HMCN1: variants seen among roughly 807,000 people sequenced by gnomAD.
The protein encoded by HMCN1 is hemicentin-1.
A neutral mutation model predicts 625.9 loss-of-function variants in HMCN1; 321 were observed. The ratio of observed to expected loss-of-function variants is 0.51; its 90% confidence interval spans 0.47 to 0.56. The LOEUF (loss-of-function observed/expected upper bound fraction) is 0.56, where lower values mean the gene tolerates loss of function less well. Ranked by LOEUF, HMCN1 falls within the 20% of genes least tolerant of loss-of-function variation. The pLI, the probability that HMCN1 is intolerant of heterozygous loss-of-function variation, is 0.00. For synonymous variants in HMCN1, 2,425 were observed against 2,417.6 expected (o/e 1.00, Z -0.09); for missense variants, 6,588 against 6,887.3 (o/e 0.96, Z 1.54).
At chr1:186,034,257 C>A (rs999687195) in intron 36 of HMCN1, among the ~76,000 whole-genome samples, 23 of 152,134 alleles carry the variant, frequency 1.5e-4, no homozygotes, top group African/African-American at 5.5e-4. Flanking sequence ...TTCTCTAGAG[C>A]CTCCAGAAGG....
chr1:186,041,119 T>C lies in HMCN1; in HGVS notation c.6287T>C (p.Ile2096Thr). Residue 2096 changes from isoleucine to threonine, a missense_variant, in exon 40 of 107, where the codon ATT becomes ACT. Ile to Thr is a moderately conservative substitution (Grantham distance 89, BLOSUM62 -1). Around this residue, in one of 3 missense-constraint regions of HMCN1, gnomAD observed 4,628 missense variants for 4,853.1 expected, o/e 0.95. Coordinates refer to ENST00000271588, the MANE Select transcript of HMCN1 (RefSeq NM_031935.3). ...VNAAGEKQRD[I>T]DLRVYVPPNI... is the part of the protein sequence containing the mutation. ...GCTGCTGGAGAAAAGCAAAGGGACA[T>C]TGACCTCCGAGTATATGGTGAGACA... 2 of 1,612,848 alleles carry C rather than the reference T, an allele frequency of 1.2e-6. No individual in the cohort carries two copies. Among genetic ancestry groups the C allele is most frequent in the Non-Finnish European group, 1.7e-6 (2 of 1,179,106 alleles).
intron 4 of HMCN1, among the ~76,000 whole-genome samples, chr1:185,904,661 G>C (rs1245493200): frequency 6.6e-6 from 1 of 151,760 alleles, no homozygotes; most frequent in African/African-American, 2.4e-5. Flanking sequence ...CTTCTTATTA[G>C]CTGTATATCT....
intron 31 of HMCN1, among the ~76,000 whole-genome samples, chr1:186,015,677 G>T (rs879853437): frequency 7.2e-5 from 11 of 152,032 alleles, no homozygotes; most frequent in Non-Finnish European, 1.6e-4. Flanking sequence ...AGACAATTTG[G>T]CTATTACTGA....
intron 100 of HMCN1, among the ~76,000 whole-genome samples, chr1:186,167,947 T>C (rs1184285772): frequency 2.0e-5 from 3 of 152,050 alleles, no homozygotes; most frequent in Non-Finnish European, 4.4e-5. Flanking sequence ...GGATTTTTCA[T>C]AGAGGAAAAG....
intron 7 of HMCN1, among the ~76,000 whole-genome samples, chr1:185,922,868 A>C (rs1384549463): frequency 6.6e-6 from 1 of 152,184 alleles, no homozygotes; most frequent in South Asian, 2.1e-4. Context: ...ACCGAAATCT[A>C]TAAATTACCT....
At chr1:185,890,359 A>C (rs918178721) in intron 4 of HMCN1, among the ~76,000 whole-genome samples, 1 of 147,328 alleles carries the variant, frequency 6.8e-6, no homozygotes, top group African/African-American at 2.7e-5. Context: ...CTAGCTTTTG[A>C]ATGGGTTTTC....
chr1:186,048,938 G>A (rs956485211), intron 42 of HMCN1, 99 bp downstream of exon 42: 1 of 744,498 alleles, frequency 1.3e-6, no homozygotes, highest in African/African-American at 1.7e-5. Context: ...ATTATAATAG[G>A]TAGATGAACA....
chr1:186,039,611 A>G, intron 38 of HMCN1, 117 bp from the exon 39 acceptor site: 5 of 1,156,660 alleles, frequency 4.3e-6, no homozygotes, highest in Non-Finnish European at 6.5e-6. Context: ...ACTTACCAAA[A>G]AACAAGCAAA....
intron 86 of HMCN1, among the ~76,000 whole-genome samples, chr1:186,135,447 A>G (rs1219773116): frequency 6.6e-6 from 1 of 152,144 alleles, no homozygotes; most frequent in Non-Finnish European, 1.5e-5. Context: ...AATCTTATTC[A>G]CTATGAAAGA....
intron 4 of HMCN1, among the ~76,000 whole-genome samples, chr1:185,885,595 T>C (rs571127321): frequency 6.6e-6 from 1 of 152,084 alleles, no homozygotes; most frequent in African/African-American, 2.4e-5. Context: ...TGTTTCTATA[T>C]TCAGTCCTCT....
intron 31 of HMCN1, 36 bp from the exon 32 acceptor site, chr1:186,015,922 A>G: frequency 6.3e-7 from 1 of 1,589,554 alleles, no homozygotes; most frequent in Non-Finnish European, 8.6e-7. Flanking sequence ...TGACCACACA[A>G]ATAATTGCCT....
chr1:185,962,361 C>T (rs1489516080), intron 11 of HMCN1, among the ~76,000 whole-genome samples, 157 bp from the exon 12 acceptor site: 9 of 152,114 alleles, frequency 5.9e-5, no homozygotes, highest in Non-Finnish European at 1.2e-4. Flanking sequence ...TTTTCATTAC[C>T]ATTGGTTTCT....
At chr1:185,782,539 C>T (rs2102177995) in intron 1 of HMCN1, among the ~76,000 whole-genome samples, 1 of 152,294 alleles carries the variant, frequency 6.6e-6, no homozygotes, top group South Asian at 2.1e-4. Context: ...TAGGGCAGGC[C>T]TGGTGGTGAC....
rs771808445 is a variant in HMCN1 at position 186,119,861 on chromosome 1, G to A, written c.12073G>A (p.Gly4025Ser). 9 of 1,614,066 alleles carry A rather than the reference G, an allele frequency of 5.6e-6. No homozygotes were observed. The African/African-American group carries it at 6.7e-5, about 12-fold the overall frequency. ...TCCTTTCATTACTTGGCAAAAAGAA[G>A]GCATCAATGTTAACACTTCAGGTAC... ...PSPFITWQKEGINVNTSGRNH... is the reference protein window; with the variant it reads ...PSPFITWQKESINVNTSGRNH... Residue 4025 changes from glycine (G) to serine (S), a missense_variant, in exon 79 of 107, where the codon GGC (glycine) becomes AGC (serine). Transcript: ENST00000271588.
intron 1 of HMCN1, among the ~76,000 whole-genome samples, chr1:185,836,610 C>T (rs1417668517): frequency 2.6e-5 from 4 of 152,158 alleles, no homozygotes; most frequent in South Asian, 4.1e-4. Context: ...TAACAAAGAG[C>T]GAAATGACTT....
Position 185,981,064 on chromosome 1 carries a change from A to G in HMCN1, c.2653A>G (p.Thr885Ala). The G allele has an allele frequency of 1.3e-6, 2 of 1,598,294 alleles. No individual in the cohort carries two copies. Among genetic ancestry groups the G allele is most frequent in the Non-Finnish European group, 1.7e-6 (2 of 1,165,726 alleles). Residue 885 changes from threonine (T) to alanine (A), a missense_variant, in exon 17 of 107, where the codon ACC becomes GCC. By Grantham distance (58) the Thr-to-Ala change is moderately conservative (BLOSUM62 0). This residue lies in a region of HMCN1 where 4,628 missense variants were observed against 4,853.1 expected (regional missense o/e 0.95). Transcript: ENST00000271588. ...KIQSETTVTVTGLVAPLIGIS... is the reference protein window; with the variant it reads ...KIQSETTVTVAGLVAPLIGIS... ...CCAGTCAGAGACAACAGTAACAGTGACCGGACTTGGTAAGATCAATTGAAT... is the reference window on the plus strand; with the variant it reads ...CCAGTCAGAGACAACAGTAACAGTGGCCGGACTTGGTAAGATCAATTGAAT...
Position 186,119,141 on chromosome 1 carries a change from TA to T in HMCN1, c.11849-43del, listed in dbSNP as rs550166984. 3.1e-3 allele frequency: 4,182 copies of T among 1,354,696 alleles called. 14 individuals are homozygous for T. Among genetic ancestry groups the T allele is most frequent in the Middle Eastern group, 0.015 (86 of 5,558 alleles). 83.9% of individuals were successfully genotyped at this position (1,354,696 alleles called of 1,614,324 possible). The stretch of plus-strand genomic sequence containing the variant: ...AAAAGAGAGTCAAATTTTATTGAAC[TA>T]AAAAAACTGAGATGCAGTATATATT... On this transcript the variant is annotated intron_variant, in intron 77 of 106. Coordinates refer to ENST00000271588, the MANE Select transcript of HMCN1 (RefSeq NM_031935.3).
At chr1:185,912,347 T>A (rs992287442) in intron 6 of HMCN1, among the ~76,000 whole-genome samples, 1 of 152,324 alleles carries the variant, frequency 6.6e-6, no homozygotes, top group African/African-American at 2.4e-5. Context: ...GGCTTTTTTT[T>A]ATTTGGTGGA....
chr1:186,187,654 T>G (rs116817537), intron 105 of HMCN1, among the ~76,000 whole-genome samples: 11 of 152,300 alleles, frequency 7.2e-5, no homozygotes, highest in African/African-American at 2.6e-4. Flanking sequence ...TCTCATTTTT[T>G]TTATGTCCTT....
Sources: allele counts gnomAD v4.1 joint callset (sites outside exome capture counted in the v4.1 genomes callset), GRCh38; gene constraint gnomAD v4.1.1; regional missense constraint gnomAD v4.1.1; transcripts MANE v1.5; gene names NCBI Gene and HGNC (gene_info 2026-07-23, HGNC 2026-07-21).